VPS13B: variants seen among roughly 807,000 people sequenced by gnomAD.
VPS13B encodes the protein intermembrane lipid transfer protein VPS13B.
Under a neutral mutation model 426.4 loss-of-function variants are expected in VPS13B, and 285 were observed. The observed-to-expected ratio is 0.67, with a 90% CI of 0.61 to 0.74. The LOEUF is 0.74. Ranked by LOEUF, VPS13B falls within the 30% of genes least tolerant of loss-of-function variation. The probability of loss-of-function intolerance (pLI) is 0.00; values close to 1 mark genes in which losing one functional copy is unlikely to be tolerated. For synonymous variants in VPS13B, 1,676 were observed against 1,676.4 expected (o/e 1.00, Z 0.01); for missense variants, 4,537 against 4,782.6 (o/e 0.95, Z 1.51).
At chr8:99,722,926 T>C (rs1168078635) in intron 39 of VPS13B, among the ~76,000 whole-genome samples, 5 of 152,252 alleles carry the variant, frequency 3.3e-5, no homozygotes, top group African/African-American at 1.2e-4. Context: ...TTTATAGTTA[T>C]AGCTAGATAT....
intron 19 of VPS13B, among the ~76,000 whole-genome samples, chr8:99,339,005 G>C (rs959534071): frequency 2.0e-5 from 3 of 151,988 alleles, no homozygotes; most frequent in Non-Finnish European, 2.9e-5. Flanking sequence ...TCTTTCTCCT[G>C]TTTCACCATA....
chr8:99,851,520 A>C (rs1409613952), intron 55 of VPS13B, among the ~76,000 whole-genome samples: 3 of 152,206 alleles, frequency 2.0e-5, no homozygotes, highest in Non-Finnish European at 2.9e-5. Context: ...GTGTAGTTTT[A>C]AACAAATTGG....
intron 33 of VPS13B, among the ~76,000 whole-genome samples, chr8:99,610,637 G>C (rs1827804979): frequency 6.6e-6 from 1 of 152,084 alleles, no homozygotes; most frequent in African/African-American, 2.4e-5. Context: ...ACCTAATGTA[G>C]ATGATGGGTT....
chr8:99,039,838 T>C (rs919914139), intron 3 of VPS13B, among the ~76,000 whole-genome samples: 1 of 152,104 alleles, frequency 6.6e-6, no homozygotes, highest in Non-Finnish European at 1.5e-5. Flanking sequence ...TTTAACTTAA[T>C]ATAGTTTCTA....
intron 21 of VPS13B, chr8:99,424,622 T>C (rs1816584762): frequency 6.6e-6 from 1 of 152,028 alleles, no homozygotes; most frequent in Non-Finnish European, 1.5e-5. Flanking sequence ...GATCTAAAAT[T>C]GACACCCTAA....
At chr8:99,055,824 G>T (rs977372017) in intron 3 of VPS13B, among the ~76,000 whole-genome samples, 1 of 151,870 alleles carries the variant, frequency 6.6e-6, no homozygotes, top group East Asian at 1.9e-4. Context: ...TGACCACCTG[G>T]GCTCAAGCAA....
chr8:99,859,560 A>G, intron 57 of VPS13B, 80 bp downstream of exon 57: 1 of 1,562,062 alleles, frequency 6.4e-7, no homozygotes, highest in African/African-American at 1.4e-5. Flanking sequence ...TAAAGTTTTA[A>G]ATGCATTCAG....
At position 99,096,265 on chromosome 8, in the gene VPS13B, T is replaced by A. The variant is rs762251454; in HGVS notation, c.292-47T>A. 5.6e-6 allele frequency: 9 copies of A among 1,609,460 alleles called. No homozygotes were observed. The African/African-American group carries it at 6.7e-5, about 12-fold the overall frequency. ...TTAAAAAATTTTTTTTCTTAATTCT[T>A]GAGTATGATCGATGGTTTTCTTTTT... On this transcript the variant is annotated intron_variant, in intron 3 of 61. Coordinates refer to ENST00000357162, the MANE Select transcript of VPS13B (RefSeq NM_152564.5).
rs1817731256 is a variant in VPS13B, at chr8:99,877,083, A to ACTC, written c.*1421_*1423dup. The ACTC allele has an allele frequency of 6.6e-6, 1 of 151,750 alleles. No homozygotes were observed. Among genetic ancestry groups the ACTC allele is most frequent in the Non-Finnish European group, 1.5e-5 (1 of 67,976 alleles). The allele number at this position is 151,750 out of a possible 1,614,324, so 9.4% of individuals were successfully genotyped here. A position where few individuals can be genotyped will look rare whatever the true frequency, so the allele number is the denominator to read the frequency against. The stretch of plus-strand genomic sequence containing the variant: ...CACTATGTTGCCCAGCTGGTCTCAT[A>ACTC]CTCCTCAGTTCACGCATTCCTCCCA... On this transcript the variant is annotated 3_prime_UTR_variant, in exon 62 of 62. Coordinates refer to ENST00000357162, the MANE Select transcript of VPS13B (RefSeq NM_152564.5).
At chr8:99,699,356 A>G (rs957231771) in intron 35 of VPS13B, among the ~76,000 whole-genome samples, 169 bp from the exon 36 acceptor site, 1 of 152,024 alleles carries the variant, frequency 6.6e-6, no homozygotes, top group Non-Finnish European at 1.5e-5. Flanking sequence ...AAGTAACAAC[A>G]TGGAAAGAAT....
intron 12 of VPS13B, among the ~76,000 whole-genome samples, chr8:99,141,876 C>G (rs1810441044): frequency 7.7e-6 from 1 of 129,864 alleles, no homozygotes; most frequent in Non-Finnish European, 1.6e-5. Context: ...AACCCTGTCT[C>G]TACTAAAAAA....
intron 36 of VPS13B, among the ~76,000 whole-genome samples, chr8:99,701,015 A>C (rs1832255578): frequency 6.6e-6 from 1 of 152,180 alleles, no homozygotes; most frequent in Non-Finnish European, 1.5e-5. Context: ...ACTTACTGTA[A>C]CTTAGTTCCA....
At chr8:99,210,014 C>A (rs1314846277) in intron 17 of VPS13B, among the ~76,000 whole-genome samples, 1 of 151,604 alleles carries the variant, frequency 6.6e-6, no homozygotes, top group Non-Finnish European at 1.5e-5. Context: ...AAATGTATAA[C>A]CATATACATA....
At chr8:99,061,518 T>C (rs1844189406) in intron 3 of VPS13B, among the ~76,000 whole-genome samples, 1 of 152,100 alleles carries the variant, frequency 6.6e-6, no homozygotes, top group Non-Finnish European at 1.5e-5. Context: ...TTAAGTTTAA[T>C]GTCTTCATAT....
intron 44 of VPS13B, among the ~76,000 whole-genome samples, chr8:99,816,825 CT>C (rs999857649): frequency 4.1e-4 from 63 of 152,012 alleles, no homozygotes; most frequent in Admixed American, 4.1e-3. Flanking sequence ...AATAAATAAA[CT>C]GAATAAAATA....
At chr8:99,249,012 C>T (rs1010033061) in intron 17 of VPS13B, among the ~76,000 whole-genome samples, 2 of 152,170 alleles carry the variant, frequency 1.3e-5, no homozygotes, top group African/African-American at 4.8e-5. Context: ...CATAAAAATA[C>T]CCCATAGCTT....
chr8:99,482,666 A>G (rs1358004437), intron 25 of VPS13B, among the ~76,000 whole-genome samples: 1 of 152,216 alleles, frequency 6.6e-6, no homozygotes, highest in Non-Finnish European at 1.5e-5. Context: ...ACACAGTTCA[A>G]TCTTTCATTA....
chr8:99,870,776 T>G lies in VPS13B; in HGVS notation c.11393-9T>G. On this transcript the variant is annotated splice_polypyrimidine_tract_variant and intron_variant, in intron 59 of 61. Transcript: ENST00000357162. ...AAGTAGTAAAACTCCCTTACTTCTCTTACCACAGGTATTTTACATGGAGCT... is the reference window on the plus strand; with the variant it reads ...AAGTAGTAAAACTCCCTTACTTCTCGTACCACAGGTATTTTACATGGAGCT... The G allele has an allele frequency of 6.2e-7, 1 of 1,613,932 alleles. No individual in the cohort carries two copies. The highest frequency in any genetic ancestry group is 1.1e-5 in the South Asian group (1 of 91,072).
In VPS13B at chr8:99,853,762, A is replaced by G; in HGVS notation, c.10373A>G (p.Lys3458Arg). The G allele has an allele frequency of 6.2e-7, 1 of 1,614,242 alleles. No homozygotes were observed. Among genetic ancestry groups the G allele is most frequent in the South Asian group, 1.1e-5 (1 of 91,080 alleles). ...GEKAEPIQCSKMQSLLISNKE... is the reference protein window; with the variant it reads ...GEKAEPIQCSRMQSLLISNKE... ...AAAGCAGAACCCATTCAGTGTTCCA[A>G]AATGCAGAGTCTCCTCATATCCAAC... The change falls in exon 56 of 62, where the codon AAA becomes AGA. Residue 3458 changes from lysine to arginine, a missense_variant. Lys to Arg is a conservative substitution (Grantham distance 26, BLOSUM62 2). This residue lies in a region of VPS13B where 4,311 missense variants were observed against 4,474.3 expected (regional missense o/e 0.96). Transcript: ENST00000357162.
Sources: gnomAD v4.1 joint callset for allele counts (sites outside exome capture counted in the v4.1 genomes callset) on GRCh38, gnomAD v4.1.1 for gene constraint, gnomAD v4.1.1 regional missense constraint, MANE v1.5 for transcripts, NCBI Gene and HGNC (gene_info 2026-07-23, HGNC 2026-07-21) for gene names.